The following MYL5 variants were observed in gnomAD, a reference collection of about 807,000 sequenced individuals.
The protein encoded by MYL5 is myosin light chain 5, also known as myosin regulatory light chain 5.
Under a neutral mutation model 20.8 loss-of-function variants are expected in MYL5, and 28 were observed. The observed-to-expected ratio is 1.35, with a 90% CI of 1.00 to 1.84. The LOEUF (loss-of-function observed/expected upper bound fraction) is 1.84. Among genes scored for constraint, MYL5 ranks in the 40% most tolerant of loss-of-function variants. The pLI is 0.00. For missense variants in MYL5, 274 were observed against 227.3 expected (o/e 1.21, Z -1.32); for synonymous variants, 118 against 87.4 (o/e 1.35, Z -1.95).
chr4:679,681 C>T (rs1193060510), intron 3 of MYL5, among the ~76,000 whole-genome samples: 2 of 152,208 alleles, frequency 1.3e-5, no homozygotes, highest in Middle Eastern at 3.2e-3. Context: ...CCTTCCCAGG[C>T]TCTGTGTCAC....
chr4:680,609 G>A (rs1739371836), intron 5 of MYL5, 22 bp downstream of exon 7: 3 of 1,610,022 alleles, frequency 1.9e-6, no homozygotes, highest in Non-Finnish European at 2.5e-6. Context: ...GGCGGCCAGG[G>A]CGGCCCGGCT....
intron 6 of MYL5, 34 bp from the exon 9 acceptor site, chr4:681,859 A>G (rs1167931706): frequency 7.7e-7 from 1 of 1,306,110 alleles, no homozygotes; most frequent in Non-Finnish European, 9.8e-7. Context: ...TCGCTCCCGG[A>G]GCCCGCAAGG....
Position 678,941 on chromosome 4 carries a change from C to T in MYL5, c.112-17C>T, listed in dbSNP as rs1452332475. On this transcript the variant is annotated splice_polypyrimidine_tract_variant and intron_variant, in intron 2 of 6. Transcript: ENST00000400159. The stretch of plus-strand genomic sequence containing the variant: ...CAGCCGGGTTGGCAGCACAGCAGCC[C>T]TGACCTTGGTCCCCAGGCATTCACA... 4.3e-6 allele frequency: 7 copies of T among 1,613,640 alleles called. No homozygotes were observed. The highest frequency in any genetic ancestry group is 5.9e-6 in the Non-Finnish European group (7 of 1,179,864).
At chr4:681,489 G>A (rs1320823251) in intron 6 of MYL5, among the ~76,000 whole-genome samples, 1 of 126,628 alleles carries the variant, frequency 7.9e-6, no homozygotes, top group Non-Finnish European at 1.6e-5. Context: ...ACTAATGCCG[G>A]GCCACCCCTC....
Position 681,934 on chromosome 4 carries a change from C to T in MYL5, c.462C>T (p.Gly154=), listed in dbSNP as rs1739753934. 4 of 1,328,210 alleles carry T rather than the reference C, an allele frequency of 3.0e-6. No homozygotes were observed. In the Admixed American group the frequency reaches 1.2e-4, roughly 41 times the overall value. 82.3% of individuals were successfully genotyped at this position (1,328,210 alleles called of 1,614,324 possible). A position where few individuals can be genotyped will look rare whatever the true frequency, so the allele number is the denominator to read the frequency against. ...AGTTCGCCTCCATCGATGTGGCGGG[C>T]AACCTGGACTACAAGGCGCTCAGCT... Residue 154 remains glycine (G), a synonymous_variant, in exon 7 of 7, where the codon GGC becomes GGT. Transcript: ENST00000400159.
At chr4:681,004 A>G in intron 5 of MYL5, 88 bp from the exon 8 acceptor site, 4 of 1,464,098 alleles carry the variant, frequency 2.7e-6, no homozygotes, top group Non-Finnish European at 3.7e-6. Flanking sequence ...AGCGAGTACA[A>G]CCTGGGGCCC....
Position 678,783 on chromosome 4 carries a change from C to T in MYL5, c.111+18C>T, listed in dbSNP as rs1043731249. On this transcript the variant is annotated intron_variant, in intron 2 of 6. Transcript: ENST00000400159. ...TCAAGGAGGTGAGACTTTCCTGCTT[C>T]ACTGGGAGCCCCCACCCCCAGGAGC... 2.7e-5 allele frequency: 43 copies of T among 1,607,690 alleles called. No individual in the cohort carries two copies. The highest frequency in any genetic ancestry group is 3.6e-5 in the Non-Finnish European group (42 of 1,177,182).
rs886836033 is a variant in MYL5 at position 681,253 on chromosome 4, G to A, written c.420+113G>A. On this transcript the variant is annotated intron_variant, in intron 6 of 6. Coordinates refer to ENST00000400159, the Ensembl canonical transcript of MYL5. ...GAGCAGCGCCGCGGTTAGGACCCAG[G>A]ACAGAACAGGCCCCCGGGGGGCTCC... 167 of 1,285,784 alleles carry A rather than the reference G, an allele frequency of 1.3e-4. No homozygotes were observed. In the East Asian group the frequency reaches 3.4e-3, roughly 26 times the overall value. The allele number at this position is 1,285,784 out of a possible 1,614,324, so 79.6% of individuals were successfully genotyped here. A position where few individuals can be genotyped will look rare whatever the true frequency, so the allele number is the denominator to read the frequency against.
At chr4:680,772 ACCAGCG>A (rs1159360215) in intron 5 of MYL5, 185 bp downstream of exon 7, 1 of 675,148 alleles carries the variant, frequency 1.5e-6, no homozygotes, top group Admixed American at 2.9e-5. Flanking sequence ...TCACACAGGG[ACCAGCG>A]CCTGTGCCCG....
exon 4 of MYL5, chr4:679,996 C>G: frequency 6.2e-7 from 1 of 1,613,252 alleles, no homozygotes; most frequent in Non-Finnish European, 8.5e-7. Context: ...TGTTTCTGAA[C>G]CTGTTTGGGG....
At chr4:678,064 T>C in intron 1 of MYL5, 35 bp downstream of exon 3, 1 of 1,611,630 alleles carries the variant, frequency 6.2e-7, no homozygotes, top group Non-Finnish European at 8.5e-7. Flanking sequence ...GGGGCAGGCG[T>C]GTGGGTGTGA....
chr4:680,525 G>C lies in MYL5; in HGVS notation c.309G>C (p.Glu103Asp). Residue 103 changes from glutamate (E) to aspartate (D), a missense_variant, in exon 5 of 7, where the codon GAG (glutamate) becomes GAC (aspartate). Glu to Asp is a conservative substitution (Grantham distance 45). Coordinates refer to ENST00000400159, the Ensembl canonical transcript of MYL5. ...TTGTGGCAGGTACCGACGCCGAGGA[G>C]ACCATTCTTAACGCCTTCAAGATGC... The C allele has an allele frequency of 3.7e-6, 6 of 1,613,488 alleles. No homozygotes were observed. The South Asian group carries it at 4.4e-5, about 12-fold the overall frequency.
intron 5 of MYL5, chr4:680,861 A>C: frequency 1.6e-6 from 1 of 638,542 alleles, no homozygotes; most frequent in South Asian, 1.9e-5. Flanking sequence ...GGAAAGTACC[A>C]GGCGCTGGCC....
At chr4:681,747 C>T in intron 6 of MYL5, 146 bp from the exon 9 acceptor site, 1 of 978,544 alleles carries the variant, frequency 1.0e-6, no homozygotes, top group South Asian at 5.3e-5. Context: ...GCCGCCCCGC[C>T]CCCTCCAGCG....
chr4:674,550 G>T (rs28540058), upstream of MYL5: 4,360 of 480,106 alleles, frequency 9.1e-3, 170 homozygotes, highest in African/African-American at 0.083. Context: ...TCCTTTCCCC[G>T]CAGGGCTGGG....
At chr4:675,758 C>T (rs943261794), upstream of MYL5, 6 of 152,322 alleles carry the variant, frequency 3.9e-5, no homozygotes, top group African/African-American at 1.4e-4. Context: ...CATGATTGCC[C>T]GAGCTCCACC....
chr4:679,032 G>A (rs762161361), exon 3 of MYL5: 6 of 1,613,404 alleles, frequency 3.7e-6, no homozygotes, highest in Admixed American at 1.7e-5. Flanking sequence ...ATGCCTCCCT[G>A]GGTAGGTACC....
upstream of MYL5, chr4:675,898 C>T (rs183172509): frequency 6.6e-6 from 1 of 152,390 alleles, no homozygotes; most frequent in African/African-American, 2.4e-5. Context: ...ATAGTTTCAT[C>T]CCGAAACCTT....
At chr4:677,062 G>T, upstream of MYL5, 1 of 346,674 alleles carries the variant, frequency 2.9e-6, no homozygotes, top group South Asian at 1.2e-4. Flanking sequence ...CCCACCTGCT[G>T]TTGTGGCTGC....
Sources: gnomAD v4.1 joint callset for allele counts (sites outside exome capture counted in the v4.1 genomes callset) on GRCh38, gnomAD v4.1.1 for gene constraint, MANE v1.5 for transcripts, NCBI Gene and HGNC (gene_info 2026-07-23, HGNC 2026-07-21) for gene names.